Variants in PLCG2 observed in about 807,000 individuals in gnomAD.
The protein encoded by PLCG2 is 1-phosphatidylinositol 4,5-bisphosphate phosphodiesterase gamma-2.
PLCG2 carries 69 observed loss-of-function variants against 175.6 expected under a neutral mutation model. The ratio of observed to expected loss-of-function variants is 0.39; its 90% CI spans 0.32 to 0.48. The LOEUF (loss-of-function observed/expected upper bound fraction) is 0.48, where lower values mean the gene tolerates loss of function less well. Ranked by LOEUF, PLCG2 falls within the 20% of genes least tolerant of loss-of-function variation. PLCG2 has a pLI of 0.91. For synonymous variants in PLCG2, 827 were observed against 624.0 expected (o/e 1.33, Z -4.85); for missense variants, 1,798 against 1,650.9 (o/e 1.09, Z -1.54).
upstream of PLCG2, among the ~76,000 whole-genome samples, chr16:81,776,330 T>C (rs1309981209): frequency 6.6e-6 from 1 of 151,674 alleles, no homozygotes; most frequent in Non-Finnish European, 1.5e-5. Context: ...AGGATGGTCT[T>C]GATCTTCCAA....
intron 30 of PLCG2, among the ~76,000 whole-genome samples, chr16:81,941,713 T>G (rs1279199670): frequency 6.6e-6 from 1 of 151,864 alleles, no homozygotes; most frequent in African/African-American, 2.4e-5. Flanking sequence ...CTTTTTTTTT[T>G]TTGAGATGGA....
chr16:81,760,938 C>G (rs985856605), intron 2 of PLCG2, among the ~76,000 whole-genome samples: 63 of 152,152 alleles, frequency 4.1e-4, no homozygotes, highest in African/African-American at 1.4e-3. Context: ...GAGTTTCACT[C>G]TGTCACCCAG....
intron 31 of PLCG2, among the ~76,000 whole-genome samples, chr16:81,950,475 G>C (rs1911322929): frequency 6.6e-6 from 1 of 152,080 alleles, no homozygotes; most frequent in Admixed American, 6.5e-5. Flanking sequence ...TTCAGAATTT[G>C]GAAAGTCTTG....
chr16:81,773,073 T>G (rs192982618), intron 2 of PLCG2, among the ~76,000 whole-genome samples: 1 of 152,168 alleles, frequency 6.6e-6, no homozygotes, highest in African/African-American at 2.4e-5. Flanking sequence ...CTGCCAAATG[T>G]GGAAAATCCC....
At chr16:81,856,357 T>C (rs1243612383) in intron 3 of PLCG2, among the ~76,000 whole-genome samples, 1 of 152,172 alleles carries the variant, frequency 6.6e-6, no homozygotes, top group African/African-American at 2.4e-5. Flanking sequence ...ACCTCCTGAA[T>C]GTTACACAGC....
rs553143587 is a variant in PLCG2, at chr16:81,832,114, A to G, written c.194-22330A>G. 4.8e-4 allele frequency among the ~76,000 whole-genome samples: 73 copies of G among 151,926 alleles called. No individual in the cohort carries two copies. In the East Asian group the frequency reaches 0.013, roughly 27 times the overall value. The stretch of plus-strand genomic sequence containing the variant: ...CTCCTTTGATAAATGGAGGGGGGGA[A>G]TAGTGATATTGTGGCGATTCTGTGG... On this transcript the variant is annotated intron_variant, in intron 2 of 32. Coordinates refer to ENST00000564138, the MANE Select transcript of PLCG2 (RefSeq NM_002661.5).
At position 81,815,941 on chromosome 16, in the gene PLCG2, A is replaced by G. The variant is rs183872111; in HGVS notation, c.193+29759A>G. ...GCCAGGCATGGTGACTTGCGCCTGT[A>G]ATCCTGGCTACTCAGGAGGCTGAGG... On this transcript the variant is annotated intron_variant, in intron 2 of 32. Transcript: ENST00000564138. Among the ~76,000 whole-genome samples, 11 of 152,070 alleles carry G rather than the reference A, an allele frequency of 7.2e-5. No individual in the cohort carries two copies. In the East Asian group the frequency reaches 2.1e-3, roughly 29 times the overall value.
intron 2 of PLCG2, among the ~76,000 whole-genome samples, chr16:81,823,747 C>T (rs1446283189): frequency 6.6e-6 from 1 of 151,066 alleles, no homozygotes; most frequent in African/African-American, 2.4e-5. Context: ...CCAGGCTGGC[C>T]TTGAATTCCT....
intron 1 of PLCG2, among the ~76,000 whole-genome samples, chr16:81,749,092 A>C (rs1909757814): frequency 6.6e-6 from 1 of 152,212 alleles, no homozygotes; most frequent in East Asian, 1.9e-4. Flanking sequence ...GGGGCCCCTC[A>C]GTCAGGAAAC....
intron 1 of PLCG2, among the ~76,000 whole-genome samples, chr16:81,782,940 A>G (rs1910805168): frequency 6.6e-6 from 1 of 152,232 alleles, no homozygotes; most frequent in African/African-American, 2.4e-5. Flanking sequence ...CTTTAGGGCA[A>G]CCTGTGAGCA....
chr16:81,899,195 AAAATAAATAAATAAAATAAAAT>A (rs1909030206), intron 13 of PLCG2, among the ~76,000 whole-genome samples: 1 of 151,984 alleles, frequency 6.6e-6, no homozygotes, highest in Non-Finnish European at 1.5e-5. Context: ...TTCCAAAAGA[AAAATAAATAAATAAAATAAAAT>A]AAATAAATAC....
intron 5 of PLCG2, among the ~76,000 whole-genome samples, chr16:81,861,276 T>C (rs917311719): frequency 2.0e-5 from 3 of 152,194 alleles, no homozygotes; most frequent in Non-Finnish European, 2.9e-5. Flanking sequence ...CTAGTTAATA[T>C]CCAATAACTA....
intron 2 of PLCG2, among the ~76,000 whole-genome samples, chr16:81,823,399 A>G (rs1186730582): frequency 6.6e-6 from 1 of 151,960 alleles, no homozygotes; most frequent in Non-Finnish European, 1.5e-5. Context: ...GCTGCTCCCC[A>G]CCCCTCGCCC....
At chr16:81,936,937 G>C (rs536776783) in intron 27 of PLCG2, among the ~76,000 whole-genome samples, 1 of 152,054 alleles carries the variant, frequency 6.6e-6, no homozygotes, top group Non-Finnish European at 1.5e-5. Context: ...ATAAGTCCCC[G>C]TGGAGGCACA....
chr16:81,845,706 A>T (rs1049684273), intron 2 of PLCG2, among the ~76,000 whole-genome samples: 7 of 152,342 alleles, frequency 4.6e-5, no homozygotes, highest in African/African-American at 1.7e-4. Context: ...GCAGCTCTGC[A>T]CCCCTGTGGG....
At chr16:81,940,181 A>T in intron 30 of PLCG2, 122 bp downstream of exon 30, 1 of 845,018 alleles carries the variant, frequency 1.2e-6, no homozygotes, top group Non-Finnish European at 1.8e-6. Context: ...TGTAAAACCG[A>T]TTGGGTGGCT....
At chr16:81,742,157 G>GGT (rs1909609300) in intron 1 of PLCG2, among the ~76,000 whole-genome samples, 1 of 68,644 alleles carries the variant, frequency 1.5e-5, no homozygotes, top group African/African-American at 3.6e-5. Flanking sequence ...GTGGGGGCGG[G>GGT]GGGGGGGGCG....
intron 2 of PLCG2, among the ~76,000 whole-genome samples, chr16:81,839,351 G>A (rs1331227289): frequency 2.0e-5 from 3 of 151,170 alleles, no homozygotes; most frequent in Non-Finnish European, 4.4e-5. Flanking sequence ...ATCCATGTGT[G>A]AGGAAAAAAA....
At chr16:81,774,822 G>A (rs533864949), upstream of PLCG2, among the ~76,000 whole-genome samples, 2 of 151,682 alleles carry the variant, frequency 1.3e-5, no homozygotes, top group East Asian at 3.9e-4. Flanking sequence ...CTCACTGCCT[G>A]CAACCTCTGC....
Sources: allele counts gnomAD v4.1 joint callset (sites outside exome capture counted in the v4.1 genomes callset), GRCh38; gene constraint gnomAD v4.1.1; transcripts MANE v1.5; gene names NCBI Gene and HGNC (gene_info 2026-07-23, HGNC 2026-07-21).